The following GNA11 variants were observed in gnomAD, a reference collection of about 807,000 sequenced individuals.
GNA11 encodes G protein subunit alpha 11.
In GNA11, 8 loss-of-function variants were observed where a neutral mutation model predicts 38.2. The ratio of observed to expected loss-of-function variants is 0.21; its 90% confidence interval spans 0.12 to 0.38. The LOEUF is 0.38. GNA11 is among the 10% of genes least tolerant of loss of function. The probability of loss-of-function intolerance (pLI) is 1.00; values close to 1 mark genes in which losing one functional copy is unlikely to be tolerated. For missense variants in GNA11, 268 were observed against 516.3 expected, an observed-to-expected ratio of 0.52 and a Z score of 4.66; for synonymous variants, 211 against 221.4, an observed-to-expected ratio of 0.95 and a Z score of 0.42.
rs1241104031 is a variant in GNA11, at chr19:3,120,415, C to T, written c.890-574C>T. ...CCCCAGAGCAGCCCCTTGAACACCC[C>T]CAGGGGCCTTTCCACCGGGGCAGGC... On this transcript the variant is annotated intron_variant, in intron 6 of 6. Transcript: ENST00000078429. The surrounding 1 kb of genome is among the most constrained non-coding windows in gnomAD (Gnocchi z 5.9). Among the ~76,000 whole-genome samples, 1 of 152,074 alleles carries T rather than the reference C, an allele frequency of 6.6e-6. No homozygotes were observed. Among genetic ancestry groups the T allele is most frequent in the Non-Finnish European group, 1.5e-5 (1 of 67,976 alleles).
rs1914001949 is a variant in GNA11, at chr19:3,119,143, G to T, written c.736-63G>T. On this transcript the variant is annotated intron_variant, in intron 5 of 6. Coordinates refer to ENST00000078429, the MANE Select transcript of GNA11 (RefSeq NM_002067.5). The surrounding 1 kb of genome is among the most constrained non-coding windows in gnomAD (Gnocchi z 4.6). ...TCCCCTCACCTGGGTCCCCCCAGCT[G>T]CCCCTTGGGCTGTGTGCAGTGGGGA... 1.9e-6 allele frequency: 3 copies of T among 1,602,630 alleles called. No homozygotes were observed. The East Asian group carries it at 6.7e-5, about 36-fold the overall frequency.
intron 4 of GNA11, 76 bp downstream of exon 4, chr19:3,115,148 G>A (rs1015602069): frequency 3.8e-5 from 57 of 1,508,878 alleles, no homozygotes; most frequent in African/African-American, 6.9e-5. Flanking sequence ...TCATGCCTGC[G>A]CACCCAGTGC....
In GNA11 at chr19:3,122,030, A is replaced by C. The variant is rs1914093374; in HGVS notation, c.*851A>C. 1 of 231,944 alleles carries C rather than the reference A, an allele frequency of 4.3e-6. No homozygotes were observed. The highest frequency in any genetic ancestry group is 2.2e-5 in the African/African-American group (1 of 44,864). The allele number at this position is 231,944 out of a possible 1,614,324, so 14.4% of individuals were successfully genotyped here. A position where few individuals can be genotyped will look rare whatever the true frequency, so the allele number is the denominator to read the frequency against. On this transcript the variant is annotated 3_prime_UTR_variant, in exon 7 of 7. Transcript: ENST00000078429. This position sits in a 1 kb window ranked among gnomAD's most constrained non-coding sequence, Gnocchi z 7.7. ...ACTGGCTGCTTGGGGCTGCCCGGGG[A>C]CTCCAGAGGGCTGCACGGCCACCCT...
Position 3,110,423 on chromosome 19 carries a change from T to C in GNA11, c.321+90T>C. 9.2e-7 allele frequency: 1 copy of C among 1,082,480 alleles called. No individual in the cohort carries two copies. Among genetic ancestry groups the C allele is most frequent in the Non-Finnish European group, 1.4e-6 (1 of 736,514 alleles). 67.1% of individuals were successfully genotyped at this position (1,082,480 alleles called of 1,614,324 possible). On this transcript the variant is annotated intron_variant, in intron 2 of 6. Transcript: ENST00000078429. This position sits in a 1 kb window ranked among gnomAD's most constrained non-coding sequence, Gnocchi z 5.4. ...TGGCCGCGCTGCCAGGGTGGGGCCA[T>C]GCCGGGGGTCCCGGCCGGCCCAGGC...
intron 1 of GNA11, among the ~76,000 whole-genome samples, chr19:3,101,899 G>A (rs1254132128): frequency 6.6e-6 from 1 of 152,140 alleles, no homozygotes; most frequent in Non-Finnish European, 1.5e-5. Flanking sequence ...TTCGAGACCA[G>A]CCTGGGCAAC....
In GNA11 at chr19:3,122,017, G is replaced by A. The variant is rs1914092920; in HGVS notation, c.*838G>A. On this transcript the variant is annotated 3_prime_UTR_variant, in exon 7 of 7. Transcript: ENST00000078429. The surrounding 1 kb of genome is among the most constrained non-coding windows in gnomAD (Gnocchi z 7.7). ...CTCCGGGGCCAACACTGGCTGCTTG[G>A]GGCTGCCCGGGGACTCCAGAGGGCT... 2.1e-5 allele frequency: 5 copies of A among 233,324 alleles called. No individual in the cohort carries two copies. In the East Asian group the frequency reaches 3.0e-4, roughly 14 times the overall value. 14.5% of individuals were successfully genotyped at this position (233,324 alleles called of 1,614,324 possible). A position where few individuals can be genotyped will look rare whatever the true frequency, so the allele number is the denominator to read the frequency against.
At position 3,114,842 on chromosome 19, in the gene GNA11, C is replaced by A. The variant is rs1032509077; in HGVS notation, c.477-102C>A. Reference sequence around the variant, plus strand: ...AGGTGGCGCAGTGCGCGGTCCACCCCCTCCTGGTGGCTTTCCGTCCTCCCG... The same window carrying A: ...AGGTGGCGCAGTGCGCGGTCCACCCACTCCTGGTGGCTTTCCGTCCTCCCG... On this transcript the variant is annotated intron_variant, in intron 3 of 6. Coordinates refer to ENST00000078429, the MANE Select transcript of GNA11 (RefSeq NM_002067.5). The A allele has an allele frequency of 2.5e-5, 29 of 1,165,934 alleles. No homozygotes were observed. In the Admixed American group the frequency reaches 4.4e-4, roughly 18 times the overall value. The allele number at this position is 1,165,934 out of a possible 1,614,324, so 72.2% of individuals were successfully genotyped here.
chr19:3,121,323 A>C lies in GNA11; in HGVS notation c.*144A>C. 2 of 600,932 alleles carry C rather than the reference A, an allele frequency of 3.3e-6. No individual in the cohort carries two copies. The highest frequency in any genetic ancestry group is 5.9e-6 in the Non-Finnish European group (2 of 337,596). The allele number at this position is 600,932 out of a possible 1,614,324, so 37.2% of individuals were successfully genotyped here. ...GAGATTTTTTTTTTTCATATTTTTA[A>C]CAAATGGTTTTTATTTCACAGTTAT... On this transcript the variant is annotated 3_prime_UTR_variant, in exon 7 of 7. Coordinates refer to ENST00000078429, the MANE Select transcript of GNA11 (RefSeq NM_002067.5).
Position 3,119,177 on chromosome 19 carries a change from C to T in GNA11, c.736-29C>T. ...GCTGTGTGCAGTGGGGAGGGCCCCT[C>T]TGATTCCCTCTGCCTTCGCTCCCGC... On this transcript the variant is annotated intron_variant, in intron 5 of 6. Transcript: ENST00000078429. This position sits in a 1 kb window ranked among gnomAD's most constrained non-coding sequence, Gnocchi z 4.6. 1 of 1,611,142 alleles carries T rather than the reference C, an allele frequency of 6.2e-7. No individual in the cohort carries two copies. Among genetic ancestry groups the T allele is most frequent in the Non-Finnish European group, 8.5e-7 (1 of 1,178,384 alleles).
Position 3,094,588 on chromosome 19 carries a change from A to AGGGCC in GNA11, c.-55_-51dup, listed in dbSNP as rs1913313200. ...GGCGGCGGCCGAGGCGGCTCCGGCC[A>AGGGCC]GGGCCGGGCCGGGGGCCGGGGGGCG... On this transcript the variant is annotated 5_prime_UTR_variant, in exon 1 of 7. Transcript: ENST00000078429. The surrounding 1 kb of genome is among the most constrained non-coding windows in gnomAD (Gnocchi z 6.0). 3.6e-6 allele frequency: 3 copies of AGGGCC among 841,792 alleles called. No individual in the cohort carries two copies. The highest frequency in any genetic ancestry group is 5.2e-5 in the South Asian group (1 of 19,070). 52.1% of individuals were successfully genotyped at this position (841,792 alleles called of 1,614,324 possible). A position where few individuals can be genotyped will look rare whatever the true frequency, so the allele number is the denominator to read the frequency against.
At chr19:3,116,892 G>C (rs1174161830) in intron 4 of GNA11, among the ~76,000 whole-genome samples, 1 of 152,140 alleles carries the variant, frequency 6.6e-6, no homozygotes, top group Non-Finnish European at 1.5e-5. Flanking sequence ...CCTGCCTTGA[G>C]ACCCACCCCA....
chr19:3,113,594 G>T (rs959229358), intron 3 of GNA11, 110 bp downstream of exon 3: 18 of 827,868 alleles, frequency 2.2e-5, no homozygotes, highest in African/African-American at 3.6e-5. Flanking sequence ...CCTGCTCGCC[G>T]GGGGCAGGGA....
At chr19:3,099,065 T>G (rs2145305009) in intron 1 of GNA11, among the ~76,000 whole-genome samples, 1 of 152,312 alleles carries the variant, frequency 6.6e-6, no homozygotes, top group African/African-American at 2.4e-5. Context: ...CTCCGAGATT[T>G]AACCACGAGA....
Position 3,121,271 on chromosome 19 carries a change from C to A in GNA11, c.*92C>A. On this transcript the variant is annotated 3_prime_UTR_variant, in exon 7 of 7. Coordinates refer to ENST00000078429, the MANE Select transcript of GNA11 (RefSeq NM_002067.5). Reference sequence around the variant, plus strand: ...TGCCGGGCGGGTGGCGCTGCCGAGTCCGGGCCGGGGCCTCTGCCCGCGGGA... The same window carrying A: ...TGCCGGGCGGGTGGCGCTGCCGAGTACGGGCCGGGGCCTCTGCCCGCGGGA... 1 of 929,674 alleles carries A rather than the reference C, an allele frequency of 1.1e-6. No homozygotes were observed. The highest frequency in any genetic ancestry group is 1.6e-6 in the Non-Finnish European group (1 of 608,926). The allele number at this position is 929,674 out of a possible 1,614,324, so 57.6% of individuals were successfully genotyped here. A position where few individuals can be genotyped will look rare whatever the true frequency, so the allele number is the denominator to read the frequency against.
At position 3,108,871 on chromosome 19, in the gene GNA11, C is replaced by T. The variant is rs1221660266; in HGVS notation, c.137-1278C>T. On this transcript the variant is annotated intron_variant, in intron 1 of 6. Coordinates refer to ENST00000078429, the MANE Select transcript of GNA11 (RefSeq NM_002067.5). The surrounding 1 kb of genome is among the most constrained non-coding windows in gnomAD (Gnocchi z 4.5). Reference sequence around the variant, plus strand: ...GGAGCCACTCACAAGTTGGCTCCCTCTAGTGGCTGTTGGTGGGAGGCCTCA... The same window carrying T: ...GGAGCCACTCACAAGTTGGCTCCCTTTAGTGGCTGTTGGTGGGAGGCCTCA... 6.6e-6 allele frequency among the ~76,000 whole-genome samples: 1 copy of T among 152,122 alleles called. No homozygotes were observed. Among genetic ancestry groups the T allele is most frequent in the South Asian group, 2.1e-4 (1 of 4,830 alleles).
At chr19:3,099,104 G>C (rs1352800191) in intron 1 of GNA11, among the ~76,000 whole-genome samples, 2 of 152,186 alleles carry the variant, frequency 1.3e-5, no homozygotes, top group African/African-American at 4.8e-5. Flanking sequence ...TTGTGGTGGA[G>C]CCTGTCTCTG....
chr19:3,121,222 C>T lies in GNA11; in HGVS notation c.*43C>T. On this transcript the variant is annotated 3_prime_UTR_variant, in exon 7 of 7. Transcript: ENST00000078429. ...GACGGGATGGAGACACGGGGCAGGA[C>T]CTTCCTTCCACGGAGCCTGCGGCTG... The T allele has an allele frequency of 6.6e-7, 1 of 1,505,776 alleles. No homozygotes were observed. The highest frequency in any genetic ancestry group is 9.1e-7 in the Non-Finnish European group (1 of 1,094,378). 93.3% of individuals were successfully genotyped at this position (1,505,776 alleles called of 1,614,324 possible). A position where few individuals can be genotyped will look rare whatever the true frequency, so the allele number is the denominator to read the frequency against.
chr19:3,107,437 G>A (rs79974559), intron 1 of GNA11, among the ~76,000 whole-genome samples: 2,785 of 152,242 alleles, frequency 0.018, 82 homozygotes, highest in African/African-American at 0.053. Flanking sequence ...ACCAAGGGGC[G>A]GCGCCTTCTG....
chr19:3,120,634 C>A lies in GNA11; in HGVS notation c.890-355C>A, dbSNP rs1480791584. Among the ~76,000 whole-genome samples the A allele has an allele frequency of 2.6e-5, 4 of 152,200 alleles. No homozygotes were observed. Among genetic ancestry groups the A allele is most frequent in the Non-Finnish European group, 4.4e-5 (3 of 68,016 alleles). On this transcript the variant is annotated intron_variant, in intron 6 of 6. Coordinates refer to ENST00000078429, the MANE Select transcript of GNA11 (RefSeq NM_002067.5). The surrounding 1 kb of genome is among the most constrained non-coding windows in gnomAD (Gnocchi z 5.9). ...CCAGCCCTGGGGGCCTCTCCTCTCA[C>A]CCTGGGCCTTCGCAGGGCAGCCATG...
Sources: gnomAD v4.1 joint callset for allele counts (sites outside exome capture counted in the v4.1 genomes callset) on GRCh38, gnomAD v4.1.1 for gene constraint, Gnocchi (gnomAD v3.1) non-coding constraint, MANE v1.5 for transcripts, NCBI Gene and HGNC (gene_info 2026-07-23, HGNC 2026-07-21) for gene names.